The following RSPO2 variants were observed in gnomAD, a reference collection of about 807,000 sequenced individuals.
The protein encoded by RSPO2 is R-spondin 2.
Under a neutral mutation model 30.9 loss-of-function variants are expected in RSPO2, and 14 were observed. The ratio of observed to expected loss-of-function variants is 0.45; its 90% confidence interval spans 0.30 to 0.71. The LOEUF (loss-of-function observed/expected upper bound fraction) is 0.71, where lower values mean the gene tolerates loss of function less well. Ranked by LOEUF, RSPO2 falls within the 30% of genes least tolerant of loss-of-function variation. The pLI is 0.08. For synonymous variants in RSPO2, 107 were observed against 96.4 expected (o/e 1.11, Z -0.64); for missense variants, 264 against 301.9 (o/e 0.87, Z 0.93).
chr8:107,903,653 C>T (rs1017735061), intron 5 of RSPO2, among the ~76,000 whole-genome samples: 4 of 152,058 alleles, frequency 2.6e-5, no homozygotes, highest in Admixed American at 6.6e-5. Flanking sequence ...TGTACAATTA[C>T]TCTGTTGGCA....
chr8:107,923,367 A>G (rs1812248527), intron 5 of RSPO2, among the ~76,000 whole-genome samples: 1 of 152,214 alleles, frequency 6.6e-6, no homozygotes, highest in Admixed American at 6.6e-5. Flanking sequence ...CCACAATGAG[A>G]TACCATCTCA....
At chr8:107,944,947 T>C (rs532855299) in intron 5 of RSPO2, among the ~76,000 whole-genome samples, 43 of 152,086 alleles carry the variant, frequency 2.8e-4, no homozygotes, top group African/African-American at 1.0e-3. Context: ...CCTGAGAAAA[T>C]CTAGTTTTAT....
intron 5 of RSPO2, among the ~76,000 whole-genome samples, chr8:107,938,582 T>C (rs1405300645): frequency 2.0e-5 from 3 of 152,034 alleles, no homozygotes; most frequent in Admixed American, 1.3e-4. Flanking sequence ...TATAGAAACA[T>C]GTAAAGTATT....
intron 3 of RSPO2, among the ~76,000 whole-genome samples, chr8:107,962,083 C>T (rs897348473): frequency 7.2e-5 from 11 of 152,138 alleles, no homozygotes; most frequent in African/African-American, 1.9e-4. Flanking sequence ...ATTGACAGCA[C>T]GTAAAGTGCT....
intron 5 of RSPO2, among the ~76,000 whole-genome samples, chr8:107,915,683 T>C (rs927793402): frequency 6.6e-6 from 1 of 152,116 alleles, no homozygotes; most frequent in African/African-American, 2.4e-5. Context: ...CCCTCCTTAT[T>C]TGTCTGGTCA....
chr8:107,946,325 T>C (rs1374507104), intron 5 of RSPO2, among the ~76,000 whole-genome samples: 1 of 152,198 alleles, frequency 6.6e-6, no homozygotes. Flanking sequence ...TGTCTGAATG[T>C]GAGGAAAAGA....
At chr8:108,073,597 G>A (rs1260436986) in intron 2 of RSPO2, among the ~76,000 whole-genome samples, 1 of 152,182 alleles carries the variant, frequency 6.6e-6, no homozygotes, top group Non-Finnish European at 1.5e-5. Context: ...AGCTACAACA[G>A]CTATTTCTAA....
intron 5 of RSPO2, among the ~76,000 whole-genome samples, chr8:107,908,389 T>C (rs1811719700): frequency 6.6e-6 from 1 of 152,200 alleles, no homozygotes; most frequent in Admixed American, 6.5e-5. Context: ...GAAGAGATAG[T>C]TTTAAAACTA....
At position 108,082,567 on chromosome 8, in the gene RSPO2, G is replaced by C. The variant is rs541770055; in HGVS notation, c.72C>G (p.Asn24Lys). The C allele has an allele frequency of 3.7e-5, 59 of 1,614,122 alleles. No homozygotes were observed. Among genetic ancestry groups the C allele is most frequent in the East Asian group, 1.1e-4 (5 of 44,880 alleles). The part of the protein sequence containing the change: ...NCMDYSHCQG[N>K]RWRRSKRASY... ...CACCTCGCTTACTGCGTCTCCATCG[G>C]TTGCCTTGGCAGTGGCTGTAATCCA... Residue 24 changes from asparagine (N) to lysine (K), a missense_variant, in exon 2 of 6, where the codon AAC becomes AAG. Coordinates refer to ENST00000276659, the MANE Select transcript of RSPO2 (RefSeq NM_178565.5).
rs139046719 is a variant in RSPO2 at position 108,050,081 on chromosome 8, C to G, written c.94+32464G>C. ...ATGTATATAATTCCATAATCTCATG[C>G]AGGAGGGGTTGGGGGGAATCACAGA... On this transcript the variant is annotated intron_variant, in intron 2 of 5. Transcript: ENST00000276659. Among the ~76,000 whole-genome samples, 183 of 152,224 alleles carry G rather than the reference C, an allele frequency of 1.2e-3. 3 individuals are homozygous for G. In the East Asian group the frequency reaches 0.022, roughly 18 times the overall value.
chr8:107,983,215 C>G, intron 3 of RSPO2: 1 of 1,575,662 alleles, frequency 6.3e-7, no homozygotes. Context: ...TATTTCTTGT[C>G]ACAAAAAGGC....
chr8:107,901,566 A>AAG (rs1218795738), intron 5 of RSPO2, among the ~76,000 whole-genome samples: 1 of 152,248 alleles, frequency 6.6e-6, no homozygotes, highest in African/African-American at 2.4e-5. Context: ...AGTGGGTCAA[A>AAG]AGAAAATAAG....
Position 107,960,837 on chromosome 8 carries a change from G to GA in RSPO2, c.284-21dup. ...TGCATCCTAAAAACAATTTTAAAGAGAAAAAAGAAAATTTCAGTCAAAGAA... is the reference window on the plus strand; with the variant it reads ...TGCATCCTAAAAACAATTTTAAAGAGAAAAAAAGAAAATTTCAGTCAAAGAA... On this transcript the variant is annotated intron_variant, in intron 3 of 5. Coordinates refer to ENST00000276659, the MANE Select transcript of RSPO2 (RefSeq NM_178565.5). 1 of 1,529,408 alleles carries GA rather than the reference G, an allele frequency of 6.5e-7. No individual in the cohort carries two copies. Among genetic ancestry groups the GA allele is most frequent in the Non-Finnish European group, 8.8e-7 (1 of 1,136,830 alleles). 94.7% of individuals were successfully genotyped at this position (1,529,408 alleles called of 1,614,324 possible). A position where few individuals can be genotyped will look rare whatever the true frequency, so the allele number is the denominator to read the frequency against.
intron 5 of RSPO2, among the ~76,000 whole-genome samples, chr8:107,951,394 A>G (rs574894234): frequency 8.5e-5 from 13 of 152,254 alleles, no homozygotes; most frequent in African/African-American, 3.1e-4. Context: ...ATTTATACTT[A>G]AGACATTCCT....
chr8:107,977,577 A>G (rs2130490489), intron 3 of RSPO2, among the ~76,000 whole-genome samples: 1 of 152,300 alleles, frequency 6.6e-6, no homozygotes, highest in Middle Eastern at 3.4e-3. Flanking sequence ...TGACCAATAA[A>G]AAACATAGCT....
intron 5 of RSPO2, among the ~76,000 whole-genome samples, chr8:107,922,710 C>T (rs143861489): frequency 8.5e-5 from 13 of 152,140 alleles, no homozygotes; most frequent in East Asian, 5.8e-4. Context: ...CTATATACTA[C>T]GGGGCTGCAA....
At chr8:108,020,030 C>T (rs1313845696) in intron 2 of RSPO2, among the ~76,000 whole-genome samples, 1 of 144,292 alleles carries the variant, frequency 6.9e-6, no homozygotes, top group Non-Finnish European at 1.5e-5. Flanking sequence ...GCACCCTAGA[C>T]AGGAATGTGG....
At chr8:107,941,167 A>T (rs1350130383) in intron 5 of RSPO2, among the ~76,000 whole-genome samples, 1 of 151,984 alleles carries the variant, frequency 6.6e-6, no homozygotes, top group Non-Finnish European at 1.5e-5. Flanking sequence ...TCATATCCCG[A>T]CTCTGAAATA....
chr8:108,072,991 A>G (rs1439245473), intron 2 of RSPO2: 6 of 152,188 alleles, frequency 3.9e-5, no homozygotes, highest in Non-Finnish European at 8.8e-5. Context: ...AAACCCACTG[A>G]TGTTTTTCAA....
Sources: allele counts gnomAD v4.1 joint callset (sites outside exome capture counted in the v4.1 genomes callset), GRCh38; gene constraint gnomAD v4.1.1; transcripts MANE v1.5; gene names NCBI Gene and HGNC (gene_info 2026-07-23, HGNC 2026-07-21).